PRX: variants seen among roughly 807,000 people sequenced by gnomAD.
PRX encodes the protein periaxin.
In PRX, 24 loss-of-function variants were observed where a neutral mutation model predicts 29.6. That is an observed-to-expected ratio of 0.81 (90% CI 0.59 to 1.14). The LOEUF is 1.14. Among genes scored for constraint, PRX ranks in the 50% most tolerant of loss-of-function variants. PRX has a pLI of 0.00. For missense variants in PRX, 1,838 were observed against 1,926.4 expected (o/e 0.95, Z 0.86); for synonymous variants, 772 against 831.7 (o/e 0.93, Z 1.24).
intron 5 of PRX, among the ~76,000 whole-genome samples, chr19:40,400,830 T>C (rs2079489541): frequency 6.6e-6 from 1 of 152,124 alleles, no homozygotes; most frequent in South Asian, 2.1e-4. Context: ...TTGGGAATTC[T>C]TGGGAAGTTC....
In PRX at chr19:40,393,876, C is replaced by T; in HGVS notation, c.*90G>A. Reference sequence around the variant, plus strand: ...CCTGGTCAGTCACCCACCTCCCGGCCCTCTTAGGGTTAGTGCTAGTTATCA... The same window carrying T: ...CCTGGTCAGTCACCCACCTCCCGGCTCTCTTAGGGTTAGTGCTAGTTATCA... On this transcript the variant is annotated 3_prime_UTR_variant, in exon 7 of 7. Transcript: ENST00000324001. 6.3e-7 allele frequency: 1 copy of T among 1,588,052 alleles called. No homozygotes were observed. The highest frequency in any genetic ancestry group is 8.5e-7 in the Non-Finnish European group (1 of 1,171,622).
At position 40,407,516 on chromosome 19, in the gene PRX, G is replaced by C. The variant is rs2079537512; in HGVS notation, c.27+390C>G. On this transcript the variant is annotated intron_variant, in intron 4 of 6. Transcript: ENST00000324001. The stretch of plus-strand genomic sequence containing the variant: ...GGGTCTTCCTATGTTGCCCAGGCTT[G>C]TCTCAAACTCCTAGGCTTTAGCGAT... 4 of 318,626 alleles carry C rather than the reference G, an allele frequency of 1.3e-5. No individual in the cohort carries two copies. In the South Asian group the frequency reaches 1.3e-4, roughly 10 times the overall value. The allele number at this position is 318,626 out of a possible 1,614,324, so 19.7% of individuals were successfully genotyped here.
At position 40,396,360 on chromosome 19, in the gene PRX, C is replaced by G; in HGVS notation, c.1992G>C (p.Glu664Asp). The change falls in exon 7 of 7, where the codon GAG (glutamate) becomes GAC (aspartate). Residue 664 changes from glutamate to aspartate, a missense_variant. By Grantham distance (45) the Glu-to-Asp change is conservative (BLOSUM62 2). This residue lies in a region of PRX where 1,143 missense variants were observed against 1,193.0 expected (regional missense o/e 0.96). Coordinates refer to ENST00000324001, the MANE Select transcript of PRX (RefSeq NM_181882.3). ...TCTCAGGCATTTTAGGGAGTTTCAT[C>G]TCTGGGACTTTCGGGAGCTGCACTT... ...LPEVQLPKVP[E>D]MKLPKMPEMA... 6.2e-7 allele frequency: 1 copy of G among 1,612,200 alleles called. No homozygotes were observed. Among genetic ancestry groups the G allele is most frequent in the Non-Finnish European group, 8.5e-7 (1 of 1,179,726 alleles).
intron 4 of PRX, among the ~76,000 whole-genome samples, chr19:40,404,770 C>T (rs1218594019): frequency 6.6e-6 from 1 of 151,994 alleles, no homozygotes; most frequent in East Asian, 1.9e-4. Flanking sequence ...ACAGGGGTAT[C>T]ACTGTGTTGC....
chr19:40,399,854 T>TCTTC (rs2079476496), intron 5 of PRX, among the ~76,000 whole-genome samples: 1 of 94,000 alleles, frequency 1.1e-5, no homozygotes, highest in East Asian at 2.5e-4. Flanking sequence ...TTCTTTCCTT[T>TCTTC]CTTTCTTTCT....
In PRX at chr19:40,398,780, T is replaced by C; in HGVS notation, c.221A>G (p.Asn74Ser). 1 of 1,613,986 alleles carries C rather than the reference T, an allele frequency of 6.2e-7. No individual in the cohort carries two copies. Among genetic ancestry groups the C allele is most frequent in the South Asian group, 1.1e-5 (1 of 91,082 alleles). ...GCGTAGTGCGTCCTCGTACTTGAAG[T>C]TCTCGAAGAACACTCGGGCACTCAG... ...QLLSARVFFE[N>S]FKYEDALRLL... The change falls in exon 6 of 7, where the codon AAC becomes AGC. Residue 74 changes from asparagine (N) to serine (S), a missense_variant. By Grantham distance (46) the Asn-to-Ser change is conservative. Transcript: ENST00000324001. This position sits in a 1 kb window ranked among gnomAD's most constrained non-coding sequence, Gnocchi z 6.3.
In PRX at chr19:40,396,059, C is replaced by A. The variant is rs541455813; in HGVS notation, c.2293G>T (p.Asp765Tyr). 4.5e-5 allele frequency: 73 copies of A among 1,614,034 alleles called. No homozygotes were observed. Among genetic ancestry groups the A allele is most frequent in the Non-Finnish European group, 5.3e-5 (63 of 1,180,050 alleles). Residue 765 changes from aspartate (D) to tyrosine (Y), a missense_variant, in exon 7 of 7, where the codon GAC becomes TAC. Transcript: ENST00000324001. ...TCTGGTGCCTTCGGAAGATGCACGT[C>A]GGGAACCTTCGGCACTTGCATTTCC... ...LPEMQVPKVP[D>Y]VHLPKAPEVK...
Position 40,395,724 on chromosome 19 carries a change from C to G in PRX, c.2628G>C (p.Met876Ile), listed in dbSNP as rs1307077953. The change falls in exon 7 of 7, where the codon ATG becomes ATC. Residue 876 changes from methionine to isoleucine, a missense_variant. Coordinates refer to ENST00000324001, the MANE Select transcript of PRX (RefSeq NM_181882.3). ...GLQGQVPAAK[M>I]GKGERVEGPE... is the part of the protein sequence containing the mutation. ...GGCCCTCCACCCGCTCTCCCTTGCC[C>G]ATTTTAGCGGCTGGGACCTGCCCCT... The G allele has an allele frequency of 1.2e-6, 2 of 1,614,024 alleles. No homozygotes were observed. The highest frequency in any genetic ancestry group is 2.2e-5 in the East Asian group (1 of 44,880).
In PRX at chr19:40,394,494, GC is replaced by G; in HGVS notation, c.3857del (p.Gly1286AlafsTer96). 2 of 1,599,852 alleles carry G rather than the reference GC, an allele frequency of 1.3e-6. No individual in the cohort carries two copies. ...CTGCCACCTGGTACTCGGCATGGTT[GC>G]CCCCGGATGGCGAGAGCTCCACGTC... ...LPDVELSPSG[G>X]NHAEYQVAEG... On this transcript the variant is annotated frameshift_variant, in exon 7 of 7. Coordinates refer to ENST00000324001, the MANE Select transcript of PRX (RefSeq NM_181882.3). LOFTEE classifies it high-confidence loss of function. The surrounding 1 kb of genome is among the most constrained non-coding windows in gnomAD (Gnocchi z 5.8).
At chr19:40,401,769 CTTT>C (rs371966168) in intron 5 of PRX, among the ~76,000 whole-genome samples, 27 of 138,482 alleles carry the variant, frequency 1.9e-4, no homozygotes, top group African/African-American at 2.1e-4. Context: ...CAGCCCACCC[CTTT>C]TTTTTTTTTT....
Position 40,394,739 on chromosome 19 carries a change from G to A in PRX, c.3613C>T (p.Leu1205=), listed in dbSNP as rs1211223884. The change falls in exon 7 of 7, where the codon CTG becomes TTG. Residue 1205 remains leucine (L), a synonymous_variant. Transcript: ENST00000324001. The surrounding 1 kb of genome is among the most constrained non-coding windows in gnomAD (Gnocchi z 5.8). The part of the protein sequence containing the change: ...PGAQVAGGEL[L]VGEGVFKMPT... ...ATCTTAAAGACACCCTCACCCACCA[G>A]CAGCTCACCACCTGCAACCTGGGCT... 1.9e-6 allele frequency: 3 copies of A among 1,613,396 alleles called. No homozygotes were observed.
chr19:40,406,101 G>A (rs949071907), intron 4 of PRX, among the ~76,000 whole-genome samples: 10 of 151,882 alleles, frequency 6.6e-5, no homozygotes, highest in East Asian at 2.0e-4. Flanking sequence ...CCTAAAATTA[G>A]CCAGGCGTGG....
intron 1 of PRX, among the ~76,000 whole-genome samples, chr19:40,411,607 C>T (rs268667): frequency 0.01 from 1,545 of 152,066 alleles, 29 homozygotes; most frequent in African/African-American, 0.036. Flanking sequence ...CCTGCCTGGA[C>T]AGGCACCCAG....
intron 4 of PRX, 75 bp from the exon 5 acceptor site, chr19:40,403,937 A>G: frequency 1.3e-6 from 2 of 1,502,652 alleles, no homozygotes; most frequent in Non-Finnish European, 9.0e-7. Flanking sequence ...TGCGCTCAAC[A>G]GTGGCTCATA....
At chr19:40,402,152 A>G (rs904647379) in intron 5 of PRX, among the ~76,000 whole-genome samples, 3 of 151,674 alleles carry the variant, frequency 2.0e-5, no homozygotes, top group Non-Finnish European at 4.4e-5. Flanking sequence ...GAAGATGGAG[A>G]CCATCCTGGC....
intron 4 of PRX, 48 bp downstream of exon 4, chr19:40,407,858 C>T: frequency 1.9e-6 from 3 of 1,610,714 alleles, no homozygotes; most frequent in South Asian, 2.2e-5. Flanking sequence ...CTAGTCTGTG[C>T]CTCCCCATTG....
At position 40,407,946 on chromosome 19, in the gene PRX, G is replaced by A. The variant is rs750670095; in HGVS notation, c.-14C>T. 6.2e-7 allele frequency: 1 copy of A among 1,613,730 alleles called. No homozygotes were observed. The highest frequency in any genetic ancestry group is 2.2e-5 in the East Asian group (1 of 44,872). On this transcript the variant is annotated 5_prime_UTR_variant, in exon 4 of 7. Coordinates refer to ENST00000324001, the MANE Select transcript of PRX (RefSeq NM_181882.3). ...CCTGGCCTCCATGGCGTTGCTGGGAGGCACCTGCACCCCAGGCTCCTGTGT... is the reference window on the plus strand; with the variant it reads ...CCTGGCCTCCATGGCGTTGCTGGGAAGCACCTGCACCCCAGGCTCCTGTGT...
chr19:40,395,333 C>A lies in PRX; in HGVS notation c.3019G>T (p.Val1007Leu), dbSNP rs1370230886. The A allele has an allele frequency of 6.2e-7, 1 of 1,613,714 alleles. No homozygotes were observed. Among genetic ancestry groups the A allele is most frequent in the Non-Finnish European group, 8.5e-7 (1 of 1,180,032 alleles). Reference sequence around the variant, plus strand: ...TTGAGGTCGGCCCCTGCCACCTCTACCTTGCCTGAGGGCAGGTGGGCATCC... The same window carrying A: ...TTGAGGTCGGCCCCTGCCACCTCTAACTTGCCTGAGGGCAGGTGGGCATCC... The part of the protein sequence containing the change: ...SLDAHLPSGK[V>L]EVAGADLKFK... Residue 1007 changes from valine (V) to leucine (L), a missense_variant, in exon 7 of 7, where the codon GTA becomes TTA. Around this residue, in one of 3 missense-constraint regions of PRX, gnomAD observed 1,143 missense variants for 1,193.0 expected, o/e 0.96. Coordinates refer to ENST00000324001, the MANE Select transcript of PRX (RefSeq NM_181882.3).
At chr19:40,413,568 T>A (rs1307298831), upstream of PRX, among the ~76,000 whole-genome samples, 2 of 152,166 alleles carry the variant, frequency 1.3e-5, no homozygotes, top group Non-Finnish European at 2.9e-5. Context: ...CGCCTCTCTC[T>A]TGCCTGGGCC....
Sources: allele counts gnomAD v4.1 joint callset (sites outside exome capture counted in the v4.1 genomes callset), GRCh38; gene constraint gnomAD v4.1.1; regional missense constraint gnomAD v4.1.1; non-coding constraint Gnocchi (gnomAD v3.1); transcripts MANE v1.5; gene names NCBI Gene and HGNC (gene_info 2026-07-23, HGNC 2026-07-21).